PFKFB3: variants seen among roughly 807,000 people sequenced by gnomAD.
PFKFB3 encodes 6-phosphofructo-2-kinase/fructose-2,6-bisphosphatase 3.
A neutral mutation model predicts 68.0 loss-of-function variants in PFKFB3; 33 were observed. The ratio of observed to expected loss-of-function variants is 0.49; its 90% CI spans 0.37 to 0.65. The LOEUF (loss-of-function observed/expected upper bound fraction) is 0.65, where lower values mean the gene tolerates loss of function less well. PFKFB3 is among the 30% of genes least tolerant of loss of function. The pLI, the probability that PFKFB3 is intolerant of heterozygous loss-of-function variation, is 0.00. For missense variants in PFKFB3, 586 were observed against 712.2 expected (o/e 0.82, Z 2.02); for synonymous variants, 315 against 288.2 (o/e 1.09, Z -0.94).
chr10:6,315,973 C>T, the PFKFB3 span, among the ~76,000 whole-genome samples: 46 of 152,058 alleles, frequency 3.0e-4, no homozygotes, highest in Non-Finnish European at 5.4e-4. Context: ...CTCTTTCATT[C>T]CAAAAAGAAC....
Position 6,211,898 on chromosome 10 carries a change from C to G in PFKFB3, c.77-1725C>G, listed in dbSNP as rs959550412. On this transcript the variant is annotated intron_variant, in intron 1 of 14. Coordinates refer to ENST00000379775, the MANE Select transcript of PFKFB3 (RefSeq NM_004566.4). ...GCATGCCATGCCTGCTTCCCTGCCC[C>G]CACCTCCAGGCCTAGCGGCAGATCC... Among the ~76,000 whole-genome samples the G allele has an allele frequency of 6.6e-5, 10 of 152,202 alleles. 2 individuals carry two copies. Among genetic ancestry groups the G allele is most frequent in the Admixed American group, 5.9e-4 (9 of 15,286 alleles).
chr10:6,232,187 C>T (rs1845789650), intron 14 of PFKFB3, among the ~76,000 whole-genome samples: 2 of 151,208 alleles, frequency 1.3e-5, no homozygotes, highest in African/African-American at 4.9e-5. Context: ...GGAAGGAGGC[C>T]CGCTGTGCAG....
chr10:6,147,242 A>AT (rs529179230), intron 1 of PFKFB3, among the ~76,000 whole-genome samples: 27 of 152,188 alleles, frequency 1.8e-4, no homozygotes, highest in African/African-American at 6.3e-4. Context: ...ACTCTTCTGT[A>AT]TTTTTTGACC....
intron 14 of PFKFB3, among the ~76,000 whole-genome samples, chr10:6,250,496 G>C (rs1199535060): frequency 2.6e-5 from 4 of 151,950 alleles, no homozygotes; most frequent in African/African-American, 4.8e-5. Context: ...GCATGAACCT[G>C]GGAGGCAGAG....
At chr10:6,152,017 G>C (rs571490916) in intron 1 of PFKFB3, among the ~76,000 whole-genome samples, 24 of 151,358 alleles carry the variant, frequency 1.6e-4, no homozygotes, top group South Asian at 4.2e-4. Context: ...TGATTTGATA[G>C]TTTCTGCCTT....
downstream of PFKFB3, among the ~76,000 whole-genome samples, chr10:6,256,367 C>T (rs777615374): frequency 6.6e-6 from 1 of 152,132 alleles, no homozygotes; most frequent in African/African-American, 2.4e-5. Context: ...CCTTCAGTTT[C>T]GTCATCCCTC....
At chr10:6,267,954 CAAA>C in the PFKFB3 span, among the ~76,000 whole-genome samples, 39 of 85,888 alleles carry the variant, frequency 4.5e-4, no homozygotes, top group Middle Eastern at 6.4e-3. Flanking sequence ...GACCCTATCT[CAAA>C]AAAAAAAAAA....
chr10:6,177,422 TTCCTTTCTTTTCTTTC>T (rs1564599793), intron 1 of PFKFB3, among the ~76,000 whole-genome samples: 5 of 137,088 alleles, frequency 3.6e-5, no homozygotes, highest in Admixed American at 8.4e-5. Context: ...TTTCTCTTTC[TTCCTTTCTTTTCTTTC>T]TCTTTCTTTC....
the PFKFB3 span, among the ~76,000 whole-genome samples, chr10:6,310,685 G>A: frequency 3.3e-5 from 5 of 152,052 alleles, no homozygotes; most frequent in East Asian, 1.9e-4. Context: ...ACAAAATATC[G>A]TGAACAAATA....
chr10:6,194,441 A>G (rs1843116778), intron 1 of PFKFB3, among the ~76,000 whole-genome samples: 2 of 152,228 alleles, frequency 1.3e-5, no homozygotes, highest in South Asian at 4.1e-4. Flanking sequence ...CTTAGCCTGA[A>G]GGATGCCTGT....
At chr10:6,221,792 A>G (rs962680266) in intron 10 of PFKFB3, 47 bp downstream of exon 10, 1 of 1,308,304 alleles carries the variant, frequency 7.6e-7, no homozygotes, top group Admixed American at 2.0e-5. Context: ...ACACATGACC[A>G]CTGCTGTGCA....
At position 6,232,881 on chromosome 10, in the gene PFKFB3, T is replaced by C. The variant is rs759716577; in HGVS notation, c.1516-14T>C. 4.3e-6 allele frequency: 7 copies of C among 1,610,634 alleles called. No individual in the cohort carries two copies. In the Admixed American group the frequency reaches 1.2e-4, roughly 27 times the overall value. On this transcript the variant is annotated splice_polypyrimidine_tract_variant and intron_variant, in intron 14 of 14. Transcript: ENST00000379775. ...CCTAACTCCCTCCCCACCTCTCTTT[T>C]CTCCTGAAAACAGAACATGAAAGGC...
At chr10:6,265,481 G>T in the PFKFB3 span, among the ~76,000 whole-genome samples, 3 of 152,052 alleles carry the variant, frequency 2.0e-5, no homozygotes, top group Non-Finnish European at 2.9e-5. Flanking sequence ...ATTTGATTTT[G>T]TCTCATGTTT....
intron 1 of PFKFB3, among the ~76,000 whole-genome samples, chr10:6,156,224 G>A (rs1439437070): frequency 2.0e-5 from 3 of 150,860 alleles, no homozygotes; most frequent in Non-Finnish European, 4.4e-5. Context: ...CACGATCATG[G>A]CTCACTGCAA....
chr10:6,201,612 G>A (rs1843359296), upstream of PFKFB3, among the ~76,000 whole-genome samples: 1 of 152,012 alleles, frequency 6.6e-6, no homozygotes, highest in Non-Finnish European at 1.5e-5. This position sits in a 1 kb window ranked among gnomAD's most constrained non-coding sequence, Gnocchi z 4.1. Context: ...CGCCGCCTGG[G>A]CGCGGGCGCC....
At chr10:6,186,501 C>G (rs143155774) in intron 1 of PFKFB3, among the ~76,000 whole-genome samples, 153 of 152,320 alleles carry the variant, frequency 1.0e-3, no homozygotes, top group African/African-American at 3.1e-3. Flanking sequence ...TTCACCTTCA[C>G]CTTTCTTTTA....
downstream of PFKFB3, among the ~76,000 whole-genome samples, chr10:6,239,203 C>T (rs773234619): frequency 5.3e-5 from 8 of 152,106 alleles, no homozygotes; most frequent in Non-Finnish European, 1.0e-4. Flanking sequence ...GAGAGAGCAC[C>T]GCTGTGGTAG....
At chr10:6,177,306 A>G (rs942281824) in intron 1 of PFKFB3, among the ~76,000 whole-genome samples, 1 of 152,000 alleles carries the variant, frequency 6.6e-6, no homozygotes, top group Non-Finnish European at 1.5e-5. Context: ...TCTCTTACAC[A>G]TAGTAGAGGT....
At chr10:6,157,525 C>T (rs572856979) in intron 1 of PFKFB3, among the ~76,000 whole-genome samples, 94 of 152,276 alleles carry the variant, frequency 6.2e-4, no homozygotes, top group African/African-American at 2.2e-3. Context: ...GGCGCCCAGC[C>T]AATAGTTGTG....
Sources: gnomAD v4.1 joint callset for allele counts (sites outside exome capture counted in the v4.1 genomes callset) on GRCh38, gnomAD v4.1.1 for gene constraint, Gnocchi (gnomAD v3.1) non-coding constraint, MANE v1.5 for transcripts, NCBI Gene and HGNC (gene_info 2026-07-23, HGNC 2026-07-21) for gene names.